Variants in SYNPR observed in about 807,000 individuals in gnomAD.
SYNPR encodes synaptoporin.
SYNPR carries 23 observed loss-of-function variants against 32.9 expected under a neutral mutation model. That is an observed-to-expected ratio of 0.70 (90% CI 0.50 to 0.99). SYNPR has a LOEUF of 0.99. Among genes scored for constraint, SYNPR ranks in the 50% least tolerant of loss-of-function variants. SYNPR has a pLI of 0.00. For missense variants in SYNPR, 318 were observed against 349.3 expected (o/e 0.91, Z 0.71); for synonymous variants, 146 against 135.9 (o/e 1.07, Z -0.52).
chr3:63,366,962 C>A (rs2087735132), intron 2 of SYNPR, among the ~76,000 whole-genome samples: 1 of 152,180 alleles, frequency 6.6e-6, no homozygotes, highest in South Asian at 2.1e-4. Context: ...GTGGCAGTAG[C>A]AATAGTGTGT....
intron 3 of SYNPR, among the ~76,000 whole-genome samples, chr3:63,270,452 G>A (rs560785950): frequency 1.4e-4 from 21 of 152,188 alleles, no homozygotes; most frequent in Non-Finnish European, 2.2e-4. Flanking sequence ...GACATACACC[G>A]ATTGAGAATG....
intron 3 of SYNPR, among the ~76,000 whole-genome samples, chr3:63,537,585 A>G (rs758407492): frequency 5.3e-5 from 8 of 152,166 alleles, no homozygotes; most frequent in Non-Finnish European, 7.4e-5. Context: ...GCAATTAGAA[A>G]TGTTTACTGA....
chr3:63,320,287 T>G (rs2087097388), intron 2 of SYNPR, among the ~76,000 whole-genome samples: 1 of 151,980 alleles, frequency 6.6e-6, no homozygotes, highest in Non-Finnish European at 1.5e-5. Context: ...TATAATTTCT[T>G]AAAATGAAGT....
chr3:63,526,117 GC>G (rs1394041647), intron 3 of SYNPR, among the ~76,000 whole-genome samples: 5 of 152,176 alleles, frequency 3.3e-5, no homozygotes, highest in Admixed American at 3.3e-4. Context: ...AATGACACCA[GC>G]CATTCTTGAA....
chr3:63,232,668 T>A (rs1349790526), intron 1 of SYNPR, among the ~76,000 whole-genome samples: 1 of 152,216 alleles, frequency 6.6e-6, no homozygotes, highest in African/African-American at 2.4e-5. Context: ...CTGTGAAGTG[T>A]AGAGTCCTTG....
intron 2 of SYNPR, among the ~76,000 whole-genome samples, chr3:63,386,467 A>C (rs573772691): frequency 6.6e-6 from 1 of 152,342 alleles, no homozygotes; most frequent in African/African-American, 2.4e-5. Context: ...GGAATTGTTC[A>C]GATGGCATTC....
At chr3:63,431,727 A>G (rs1699999435) in intron 2 of SYNPR, among the ~76,000 whole-genome samples, 1 of 151,528 alleles carries the variant, frequency 6.6e-6, no homozygotes, top group African/African-American at 2.4e-5. Context: ...CCCATTAAAA[A>G]CAAAACCAAC....
chr3:63,463,354 TA>T (rs1347499520), intron 2 of SYNPR, among the ~76,000 whole-genome samples: 2 of 152,144 alleles, frequency 1.3e-5, no homozygotes, highest in Non-Finnish European at 2.9e-5. Context: ...GACATGATTC[TA>T]AAGGACCTGA....
intron 3 of SYNPR, among the ~76,000 whole-genome samples, chr3:63,484,277 C>T (rs1433649016): frequency 2.6e-5 from 4 of 152,092 alleles, no homozygotes; most frequent in African/African-American, 9.7e-5. Flanking sequence ...ACAACTATTA[C>T]TTAACTGTTT....
At chr3:63,480,635 C>A (rs1477915378) in intron 2 of SYNPR, among the ~76,000 whole-genome samples, 197 bp from the exon 3 acceptor site, 1 of 152,264 alleles carries the variant, frequency 6.6e-6, no homozygotes, top group African/African-American at 2.4e-5. Context: ...TTTCACTTGC[C>A]AGACAATTAT....
intron 2 of SYNPR, chr3:63,252,663 G>A (rs1186706987): frequency 3.3e-5 from 5 of 152,102 alleles, no homozygotes; most frequent in Non-Finnish European, 2.9e-5. Flanking sequence ...AAAATCCTGC[G>A]TTTTCATACC....
chr3:63,376,523 C>G (rs1346168867), intron 2 of SYNPR, among the ~76,000 whole-genome samples: 1 of 152,064 alleles, frequency 6.6e-6, no homozygotes, highest in Admixed American at 6.6e-5. Flanking sequence ...TTCTTTTTGT[C>G]TCTGTAAAGG....
chr3:63,297,568 T>C (rs964598314), intron 2 of SYNPR, among the ~76,000 whole-genome samples: 27 of 152,196 alleles, frequency 1.8e-4, no homozygotes, highest in African/African-American at 6.0e-4. Context: ...CAATGTTATG[T>C]GATACAAAGA....
At chr3:63,526,423 T>A (rs1702014933) in intron 3 of SYNPR, among the ~76,000 whole-genome samples, 1 of 152,224 alleles carries the variant, frequency 6.6e-6, no homozygotes, top group African/African-American at 2.4e-5. Context: ...AGAACTGGGA[T>A]CATTTCCCTC....
At chr3:63,586,081 G>A (rs557537111) in intron 4 of SYNPR, among the ~76,000 whole-genome samples, 4 of 152,198 alleles carry the variant, frequency 2.6e-5, no homozygotes, top group East Asian at 3.9e-4. Flanking sequence ...AATTTAAGCT[G>A]TAGATGGTAA....
intron 2 of SYNPR, among the ~76,000 whole-genome samples, chr3:63,427,088 G>A (rs1046008906): frequency 2.4e-4 from 37 of 151,428 alleles, no homozygotes; most frequent in African/African-American, 8.7e-4. Flanking sequence ...AAGACCAACC[G>A]GTCTCAAGCT....
intron 1 of SYNPR, among the ~76,000 whole-genome samples, chr3:63,244,040 A>ATG (rs1177366759): frequency 2.0e-5 from 3 of 152,102 alleles, no homozygotes; most frequent in African/African-American, 7.2e-5. Context: ...AGGTAATAGA[A>ATG]TAGCTAAGGA....
chr3:63,298,011 G>T (rs1433968145), intron 2 of SYNPR, among the ~76,000 whole-genome samples: 2 of 152,134 alleles, frequency 1.3e-5, no homozygotes, highest in Non-Finnish European at 2.9e-5. Context: ...AAGCAGCAAG[G>T]AATTATAGGA....
chr3:63,318,183 A>G (rs62253885), intron 2 of SYNPR, among the ~76,000 whole-genome samples: 46,863 of 151,848 alleles, frequency 0.31, 7,997 homozygotes, highest in Non-Finnish European at 0.39. Context: ...CACAGCTTTT[A>G]AGATTCTTTC....
Sources: allele counts gnomAD v4.1 joint callset (sites outside exome capture counted in the v4.1 genomes callset), GRCh38; gene constraint gnomAD v4.1.1; transcripts MANE v1.5; gene names NCBI Gene and HGNC (gene_info 2026-07-23, HGNC 2026-07-21).